NCKAP1: variants seen among roughly 807,000 people sequenced by gnomAD.
The protein encoded by NCKAP1 is NCK associated protein 1.
A neutral mutation model predicts 151.2 loss-of-function variants in NCKAP1; 21 were observed. That is an observed-to-expected ratio of 0.14 (90% CI 0.10 to 0.20). The LOEUF is 0.20. NCKAP1 is among the 10% of genes least tolerant of loss of function. The pLI is 1.00. For missense variants in NCKAP1, 933 were observed against 1,352.1 expected, an observed-to-expected ratio of 0.69 and a Z score of 4.86; for synonymous variants, 484 against 451.8, an observed-to-expected ratio of 1.07 and a Z score of -0.90.
At chr2:182,932,495 C>T (rs1324222665) in intron 26 of NCKAP1, among the ~76,000 whole-genome samples, 2 of 152,068 alleles carry the variant, frequency 1.3e-5, no homozygotes, top group East Asian at 1.9e-4. Flanking sequence ...GGGTACAAGG[C>T]TTCTTTTTGG....
At chr2:182,939,786 A>G (rs905381600) in intron 24 of NCKAP1, among the ~76,000 whole-genome samples, 6 of 152,088 alleles carry the variant, frequency 3.9e-5, no homozygotes, top group African/African-American at 9.7e-5. Context: ...AGTTCTCTCT[A>G]CTCTCCTAAA....
At chr2:183,001,017 CG>C (rs1470634245) in intron 6 of NCKAP1, among the ~76,000 whole-genome samples, 13 of 152,164 alleles carry the variant, frequency 8.5e-5, no homozygotes, top group African/African-American at 3.1e-4. Flanking sequence ...ATCACGAGCC[CG>C]GGAGGCGGAA....
intron 23 of NCKAP1, among the ~76,000 whole-genome samples, chr2:182,947,862 G>T (rs1237165488): frequency 1.3e-5 from 2 of 152,040 alleles, no homozygotes; most frequent in African/African-American, 2.4e-5. Context: ...ATGATCTGTA[G>T]GATTTCTTAT....
rs538344711 is a variant in NCKAP1 at position 182,979,188 on chromosome 2, C to T, written c.1342-273G>A. ...TTTATATGAAAAAGTATTTTTAAGG[C>T]GAAAGTATAATGACAAACACCAGTT... On this transcript the variant is annotated intron_variant, in intron 13 of 30. Transcript: ENST00000361354. 7.4e-4 allele frequency among the ~76,000 whole-genome samples: 112 copies of T among 151,930 alleles called. 1 individual carries two copies. Among genetic ancestry groups the T allele is most frequent in the African/African-American group, 2.5e-3 (102 of 41,474 alleles).
At chr2:182,992,487 T>A (rs2105865438) in intron 8 of NCKAP1, among the ~76,000 whole-genome samples, 1 of 152,310 alleles carries the variant, frequency 6.6e-6, no homozygotes, top group African/African-American at 2.4e-5. Flanking sequence ...AAGTCACTAA[T>A]GACAGCTAAC....
rs1202571711 is a variant in NCKAP1 at position 182,909,538 on chromosome 2, CTTTT to C, written c.*16160_*16163del. On this transcript the variant is annotated 3_prime_UTR_variant, in exon 31 of 31. Coordinates refer to ENST00000361354, the MANE Select transcript of NCKAP1 (RefSeq NM_013436.5). Reference sequence around the variant, plus strand: ...TGTCTCATGTGTCAAAATTTCTTTCCTTTTTAAGGCTGAATAATATGCCACCGTA... The same window carrying C: ...TGTCTCATGTGTCAAAATTTCTTTCCTAAGGCTGAATAATATGCCACCGTA... 6.6e-6 allele frequency: 1 copy of C among 152,082 alleles called. No individual in the cohort carries two copies. The highest frequency in any genetic ancestry group is 1.5e-5 in the Non-Finnish European group (1 of 68,004). The allele number at this position is 152,082 out of a possible 1,614,324, so 9.4% of individuals were successfully genotyped here.
chr2:183,008,140 G>T (rs1231776296), intron 2 of NCKAP1, among the ~76,000 whole-genome samples: 2 of 151,994 alleles, frequency 1.3e-5, no homozygotes, highest in African/African-American at 4.8e-5. Flanking sequence ...TGGTCAGGCT[G>T]GCCTCGAACT....
chr2:182,976,335 T>C (rs1302589388), intron 15 of NCKAP1, among the ~76,000 whole-genome samples: 2 of 152,150 alleles, frequency 1.3e-5, no homozygotes, highest in Non-Finnish European at 2.9e-5. Flanking sequence ...TTTCAGAAAA[T>C]GGAAGTTTTT....
At chr2:182,933,198 G>A (rs1696800718) in intron 26 of NCKAP1, among the ~76,000 whole-genome samples, 2 of 152,064 alleles carry the variant, frequency 1.3e-5, no homozygotes, top group East Asian at 3.9e-4. Context: ...TCAAAAGGCA[G>A]AAAGAGAAAA....
At chr2:182,990,799 T>C (rs766385511) in intron 8 of NCKAP1, among the ~76,000 whole-genome samples, 7 of 152,328 alleles carry the variant, frequency 4.6e-5, no homozygotes, top group Middle Eastern at 6.8e-3. Context: ...GATTCTTAGC[T>C]CAAGCTTCCT....
chr2:183,004,481 C>G (rs1698429654), intron 2 of NCKAP1, among the ~76,000 whole-genome samples: 2 of 111,554 alleles, frequency 1.8e-5, no homozygotes, highest in African/African-American at 8.0e-5. Context: ...CTATTTAAAA[C>G]AGCAAGCAAA....
chr2:182,961,395 T>C (rs1024445253), intron 18 of NCKAP1, among the ~76,000 whole-genome samples: 1 of 152,174 alleles, frequency 6.6e-6, no homozygotes, highest in East Asian at 1.9e-4. Context: ...TGGAATACTA[T>C]GCGGCCATAA....
rs572926015 is a variant in NCKAP1, at chr2:182,986,196, A to G, written c.979T>C (p.Cys327Arg). Reference protein sequence around the residue: ...YNKRINDIRECKEAAVSHAGS... With the variant: ...YNKRINDIRERKEAAVSHAGS... ...GCATGTGACACGGCTGCCTCCTTGC[A>G]TTCTCTTATGTCATTAATACGTTTA... is the stretch of plus-strand genomic sequence containing the variant. Residue 327 changes from cysteine to arginine, a missense_variant, in exon 10 of 31, where the codon TGC (cysteine) becomes CGC (arginine). By Grantham distance (180) the Cys-to-Arg change is radical. Around this residue, in one of 2 missense-constraint regions of NCKAP1, gnomAD observed 607 missense variants for 795.0 expected, o/e 0.76. Coordinates refer to ENST00000361354, the MANE Select transcript of NCKAP1 (RefSeq NM_013436.5). 5.7e-5 allele frequency: 92 copies of G among 1,613,742 alleles called. No individual in the cohort carries two copies. The highest frequency in any genetic ancestry group is 7.7e-5 in the Non-Finnish European group (91 of 1,179,830).
At chr2:183,025,948 G>A (rs1698886240) in intron 1 of NCKAP1, among the ~76,000 whole-genome samples, 1 of 151,810 alleles carries the variant, frequency 6.6e-6, no homozygotes. Context: ...CCTCTATTAG[G>A]GACTATCACA....
chr2:182,963,550 G>A (rs1697499181), intron 17 of NCKAP1, among the ~76,000 whole-genome samples: 1 of 152,100 alleles, frequency 6.6e-6, no homozygotes, highest in Admixed American at 6.5e-5. Flanking sequence ...GAAGCAAAGA[G>A]ACCACTTAGG....
Position 182,923,807 on chromosome 2 carries a change from A to G in NCKAP1, c.*1895T>C, listed in dbSNP as rs1696589622. ...TACTTTTAACTTTTTCCTCCAAGTTACCTTTGCCACGCCTCCTCCCCCGCC... is the reference window on the plus strand; with the variant it reads ...TACTTTTAACTTTTTCCTCCAAGTTGCCTTTGCCACGCCTCCTCCCCCGCC... On this transcript the variant is annotated 3_prime_UTR_variant, in exon 31 of 31. Coordinates refer to ENST00000361354, the MANE Select transcript of NCKAP1 (RefSeq NM_013436.5). 2 of 152,180 alleles carry G rather than the reference A, an allele frequency of 1.3e-5. No homozygotes were observed. Among genetic ancestry groups the G allele is most frequent in the South Asian group, 4.1e-4 (2 of 4,838 alleles). 9.4% of individuals were successfully genotyped at this position (152,180 alleles called of 1,614,324 possible). A position where few individuals can be genotyped will look rare whatever the true frequency, so the allele number is the denominator to read the frequency against.
Position 182,956,484 on chromosome 2 carries a change from G to A in NCKAP1, c.2131C>T (p.His711Tyr). Residue 711 changes from histidine (H) to tyrosine (Y), a missense_variant, in exon 20 of 31, where the codon CAT becomes TAT. By Grantham distance (83) the His-to-Tyr change is moderately conservative. Around this residue, in one of 2 missense-constraint regions of NCKAP1, gnomAD observed 326 missense variants for 557.1 expected, o/e 0.59. Coordinates refer to ENST00000361354, the MANE Select transcript of NCKAP1 (RefSeq NM_013436.5). ...TACTTGGTAAAGCGTATTTCCAGAT[G>A]AGAAGTCAAATATTCTCGTGGGGTA... ...TFTPREYLTS[H>Y]LEIRFTKSIV... 6.2e-7 allele frequency: 1 copy of A among 1,610,784 alleles called. No homozygotes were observed. Among genetic ancestry groups the A allele is most frequent in the Non-Finnish European group, 8.5e-7 (1 of 1,178,702 alleles).
chr2:183,018,475 A>G (rs1698736594), intron 2 of NCKAP1, among the ~76,000 whole-genome samples: 1 of 152,132 alleles, frequency 6.6e-6, no homozygotes, highest in South Asian at 2.1e-4. Flanking sequence ...GTTTCCTTCT[A>G]AGTCCTTACC....
rs1312359301 is a variant in NCKAP1 at position 182,909,387 on chromosome 2, A to G, written c.*16315T>C. The G allele has an allele frequency of 6.6e-6, 1 of 152,082 alleles. No individual in the cohort carries two copies. The highest frequency in any genetic ancestry group is 1.5e-5 in the Non-Finnish European group (1 of 68,008). The allele number at this position is 152,082 out of a possible 1,614,324, so 9.4% of individuals were successfully genotyped here. ...TCTCCTTGCCAGCCCCTGCCAACCA[A>G]CATTCTACTTTCTATCAATTTGACT... On this transcript the variant is annotated 3_prime_UTR_variant, in exon 31 of 31. Transcript: ENST00000361354.
Sources: gnomAD v4.1 joint callset for allele counts (sites outside exome capture counted in the v4.1 genomes callset) on GRCh38, gnomAD v4.1.1 for gene constraint, gnomAD v4.1.1 regional missense constraint, MANE v1.5 for transcripts, NCBI Gene and HGNC (gene_info 2026-07-23, HGNC 2026-07-21) for gene names.